The following MYH10 variants were observed in gnomAD, a reference collection of about 807,000 sequenced individuals.
The protein encoded by MYH10 is myosin-10.
Under a neutral mutation model 257.8 loss-of-function variants are expected in MYH10, and 55 were observed. The ratio of observed to expected loss-of-function variants is 0.21; its 90% CI spans 0.17 to 0.27. The LOEUF (loss-of-function observed/expected upper bound fraction) is 0.27, where lower values mean the gene tolerates loss of function less well. Ranked by LOEUF, MYH10 falls within the 10% of genes least tolerant of loss-of-function variation. The pLI, the probability that MYH10 is intolerant of heterozygous loss-of-function variation, is 1.00. For missense variants in MYH10, 1,631 were observed against 2,500.6 expected, an observed-to-expected ratio of 0.65 and a Z score of 7.42; for synonymous variants, 854 against 921.7, an observed-to-expected ratio of 0.93 and a Z score of 1.33.
At position 8,506,073 on chromosome 17, in the gene MYH10, T is replaced by C. The variant is rs994703238; in HGVS notation, c.3386+245A>G. On this transcript the variant is annotated intron_variant, in intron 27 of 42. Coordinates refer to ENST00000360416, the MANE Select transcript of MYH10 (RefSeq NM_001256012.3). This position sits in a 1 kb window ranked among gnomAD's most constrained non-coding sequence, Gnocchi z 5.0. ...GTGAAATAATTTGTTCTGGTGTGAA[T>C]TTCCAAGGGTTTCATAATATAATTT... 9.6e-6 allele frequency: 4 copies of C among 418,798 alleles called. No individual in the cohort carries two copies. The highest frequency in any genetic ancestry group is 8.3e-5 in the African/African-American group (4 of 48,316). The allele number at this position is 418,798 out of a possible 1,614,324, so 25.9% of individuals were successfully genotyped here. A position where few individuals can be genotyped will look rare whatever the true frequency, so the allele number is the denominator to read the frequency against.
intron 19 of MYH10, among the ~76,000 whole-genome samples, chr17:8,520,372 T>C (rs1018575432): frequency 1.3e-5 from 2 of 152,140 alleles, no homozygotes; most frequent in Non-Finnish European, 2.9e-5. Context: ...GGCACGTGCC[T>C]GTAGTCCCAG....
At chr17:8,624,341 G>A (rs2152111035) in intron 1 of MYH10, among the ~76,000 whole-genome samples, 1 of 152,270 alleles carries the variant, frequency 6.6e-6, no homozygotes, top group East Asian at 1.9e-4. Flanking sequence ...GACTCATCAT[G>A]ATTGCCTGAC....
chr17:8,541,587 A>T (rs1203763545), intron 14 of MYH10, among the ~76,000 whole-genome samples: 4 of 152,132 alleles, frequency 2.6e-5, no homozygotes, highest in Admixed American at 2.6e-4. Flanking sequence ...CCAAGAAAAG[A>T]GTTTCTGATG....
chr17:8,623,411 C>A (rs1421735474), intron 1 of MYH10, 134 bp from the exon 2 acceptor site: 2 of 744,164 alleles, frequency 2.7e-6, no homozygotes, highest in Non-Finnish European at 3.8e-6. Flanking sequence ...TACCTCTTCA[C>A]AGCCATACTA....
intron 36 of MYH10, among the ~76,000 whole-genome samples, chr17:8,485,736 G>A (rs979049962): frequency 1.3e-5 from 2 of 152,198 alleles, no homozygotes; most frequent in East Asian, 1.9e-4. Context: ...TGGTAGGAAC[G>A]TAAAACTGCA....
chr17:8,594,165 G>A (rs1022349889), intron 3 of MYH10, among the ~76,000 whole-genome samples: 1 of 151,970 alleles, frequency 6.6e-6, no homozygotes, highest in Non-Finnish European at 1.5e-5. Flanking sequence ...AACCAAAATA[G>A]GTCACAGACT....
At position 8,569,687 on chromosome 17, in the gene MYH10, G is replaced by A; in HGVS notation, c.756+33C>T. On this transcript the variant is annotated intron_variant, in intron 7 of 42. Coordinates refer to ENST00000360416, the MANE Select transcript of MYH10 (RefSeq NM_001256012.3). This position sits in a 1 kb window ranked among gnomAD's most constrained non-coding sequence, Gnocchi z 4.1. Reference sequence around the variant, plus strand: ...AGTAAACATTTAACTAGAAATCTAAGGAATTAAAAGCTTCTGGTGCTTTGA... The same window carrying A: ...AGTAAACATTTAACTAGAAATCTAAAGAATTAAAAGCTTCTGGTGCTTTGA... 7.0e-7 allele frequency: 1 copy of A among 1,436,216 alleles called. No homozygotes were observed. The highest frequency in any genetic ancestry group is 9.6e-7 in the Non-Finnish European group (1 of 1,037,920). 89.0% of individuals were successfully genotyped at this position (1,436,216 alleles called of 1,614,324 possible). A position where few individuals can be genotyped will look rare whatever the true frequency, so the allele number is the denominator to read the frequency against.
chr17:8,515,996 C>CT (rs1356980556), intron 21 of MYH10, among the ~76,000 whole-genome samples: 1 of 152,244 alleles, frequency 6.6e-6, no homozygotes, highest in African/African-American at 2.4e-5. Flanking sequence ...TTAAAAACTA[C>CT]TGCCCTAGTT....
chr17:8,521,156 A>G lies in MYH10; in HGVS notation c.2087T>C (p.Met696Thr), dbSNP rs537123965. 7 of 1,614,256 alleles carry G rather than the reference A, an allele frequency of 4.3e-6. No homozygotes were observed. The South Asian group carries it at 7.7e-5, about 18-fold the overall frequency. The change falls in exon 18 of 43, where the codon ATG becomes ACG. Residue 696 changes from methionine to threonine, a missense_variant. By Grantham distance (81) the Met-to-Thr change is moderately conservative. Around this residue, in one of 11 missense-constraint regions of MYH10, gnomAD observed 96 missense variants for 146.2 expected, o/e 0.66. Coordinates refer to ENST00000360416, the MANE Select transcript of MYH10 (RefSeq NM_001256012.3). ...QLYKESLTKL[M>T]ATLRNTNPNF... ...AGGGTTGGTGTTTCGGAGAGTTGCC[A>G]TCAGCTTGGTGAGAGATTCTTTGTA...
intron 35 of MYH10, 74 bp from the exon 36 acceptor site, chr17:8,487,668 T>G: frequency 6.4e-7 from 1 of 1,554,264 alleles, no homozygotes; most frequent in Non-Finnish European, 8.8e-7. Context: ...TGTTCTCAAG[T>G]GGGGGGCTCT....
intron 28 of MYH10, among the ~76,000 whole-genome samples, chr17:8,501,234 A>G (rs982980300): frequency 6.6e-6 from 1 of 152,096 alleles, no homozygotes; most frequent in African/African-American, 2.4e-5. Context: ...TTGAGGCTAC[A>G]ATGAGCTATG....
At chr17:8,560,822 A>C (rs1321205180) in intron 7 of MYH10, 3 of 582,086 alleles carry the variant, frequency 5.2e-6, no homozygotes, top group Non-Finnish European at 3.3e-6. Context: ...TGTGTGGCCA[A>C]GACTGAGTGG....
intron 7 of MYH10, among the ~76,000 whole-genome samples, chr17:8,564,716 A>T (rs1413778371): frequency 6.6e-6 from 1 of 152,212 alleles, no homozygotes; most frequent in Non-Finnish European, 1.5e-5. Context: ...ATCCATAAAT[A>T]TACCTGTGGG....
rs77389834 is a variant in MYH10, at chr17:8,479,312, C to T, written c.5597+798G>A. 4.2e-3 allele frequency among the ~76,000 whole-genome samples: 641 copies of T among 152,192 alleles called. 2 individuals are homozygous for T. Among genetic ancestry groups the T allele is most frequent in the Non-Finnish European group, 7.4e-3 (502 of 68,014 alleles). ...AAATCCATGTTTCCAGATGCATCTA[C>T]GTCGTCCCATATGAAGGAGAGGTAA... is the stretch of plus-strand genomic sequence containing the variant. On this transcript the variant is annotated intron_variant, in intron 40 of 42. Coordinates refer to ENST00000360416, the MANE Select transcript of MYH10 (RefSeq NM_001256012.3).
At chr17:8,513,458 A>G (rs911560721) in intron 23 of MYH10, 80 bp downstream of exon 23, 1 of 1,566,450 alleles carries the variant, frequency 6.4e-7, no homozygotes, top group African/African-American at 1.4e-5. Context: ...ATTCATAATG[A>G]AATGTGTCGG....
intron 3 of MYH10, among the ~76,000 whole-genome samples, chr17:8,604,564 G>A (rs1310085447): frequency 1.3e-5 from 2 of 152,104 alleles, no homozygotes; most frequent in African/African-American, 2.4e-5. Context: ...GGAATCAAAT[G>A]TATATGAAAA....
intron 42 of MYH10, 30 bp from the exon 43 acceptor site, chr17:8,475,978 G>T: frequency 1.2e-6 from 2 of 1,601,458 alleles, no homozygotes; most frequent in Non-Finnish European, 8.5e-7. Context: ...GATGTGTGTG[G>T]GTAAACAGAC....
At chr17:8,610,176 G>T (rs2084972349) in intron 2 of MYH10, among the ~76,000 whole-genome samples, 1 of 145,834 alleles carries the variant, frequency 6.9e-6, no homozygotes, top group South Asian at 2.2e-4. Flanking sequence ...AGACAATGTA[G>T]CATTAAGTGT....
intron 7 of MYH10, among the ~76,000 whole-genome samples, chr17:8,554,929 G>T (rs937426063): frequency 2.0e-5 from 3 of 151,508 alleles, no homozygotes; most frequent in African/African-American, 7.3e-5. Flanking sequence ...CTCCAGCCTG[G>T]GTGACAGAGC....
Sources: gnomAD v4.1 joint callset for allele counts (sites outside exome capture counted in the v4.1 genomes callset) on GRCh38, gnomAD v4.1.1 for gene constraint, gnomAD v4.1.1 regional missense constraint, Gnocchi (gnomAD v3.1) non-coding constraint, MANE v1.5 for transcripts, NCBI Gene and HGNC (gene_info 2026-07-23, HGNC 2026-07-21) for gene names.